SCFD2: variants seen among roughly 807,000 people sequenced by gnomAD.
The protein encoded by SCFD2 is sec1 family domain containing 2.
In SCFD2, 54 loss-of-function variants were observed where a neutral mutation model predicts 58.9. The observed-to-expected ratio is 0.92, with a 90% CI of 0.74 to 1.15. SCFD2 has a LOEUF of 1.15. Ranked by LOEUF, SCFD2 falls within the 50% of genes most tolerant of loss-of-function variation. The pLI, the probability that SCFD2 is intolerant of heterozygous loss-of-function variation, is 0.00. For synonymous variants in SCFD2, 321 were observed against 335.9 expected (o/e 0.96, Z 0.49); for missense variants, 805 against 836.6 (o/e 0.96, Z 0.47).
At position 53,335,218 on chromosome 4, in the gene SCFD2, A is replaced by AAC. The variant is rs1384855094; in HGVS notation, c.1007+17379_1007+17380insGT. Among the ~76,000 whole-genome samples, 14 of 141,552 alleles carry AAC rather than the reference A, an allele frequency of 9.9e-5. No homozygotes were observed. In the East Asian group the frequency reaches 1.6e-3, roughly 17 times the overall value. The allele number at this position is 141,552 out of a possible 152,430, so 92.9% of individuals were successfully genotyped here. A position where few individuals can be genotyped will look rare whatever the true frequency, so the allele number is the denominator to read the frequency against. ...TCAAAAAAAAAAAAAAAAAAACAAC[A>AAC]AAAAAAAAAACAACAACAACAACCC... On this transcript the variant is annotated intron_variant, in intron 2 of 8. Transcript: ENST00000401642.
At chr4:53,204,060 T>C (rs1426713761) in intron 4 of SCFD2, among the ~76,000 whole-genome samples, 1 of 152,082 alleles carries the variant, frequency 6.6e-6, no homozygotes, top group Non-Finnish European at 1.5e-5. Flanking sequence ...AGGTACTCTT[T>C]GTGGGAATAT....
intron 4 of SCFD2, among the ~76,000 whole-genome samples, chr4:53,256,291 G>C (rs1044350601): frequency 5.3e-4 from 80 of 149,670 alleles, no homozygotes; most frequent in Admixed American, 5.3e-3. Flanking sequence ...CAGATGGGGC[G>C]GCGGGGCAGA....
intron 4 of SCFD2, among the ~76,000 whole-genome samples, chr4:53,180,350 C>A (rs1727504643): frequency 6.6e-6 from 1 of 152,174 alleles, no homozygotes. Flanking sequence ...AAGAAACTCA[C>A]TCAAAACCGC....
chr4:52,919,224 G>T (rs1003950548), intron 6 of SCFD2, among the ~76,000 whole-genome samples: 1 of 152,142 alleles, frequency 6.6e-6, no homozygotes, highest in African/African-American at 2.4e-5. Context: ...AAATGGGAAA[G>T]ACCTCATTCA....
chr4:53,283,869 G>A (rs1397708025), intron 3 of SCFD2, among the ~76,000 whole-genome samples: 2 of 151,968 alleles, frequency 1.3e-5, no homozygotes, highest in East Asian at 1.9e-4. Flanking sequence ...TGTAATCCCA[G>A]CACCTTGGGA....
intron 4 of SCFD2, among the ~76,000 whole-genome samples, chr4:53,254,671 T>C (rs990973254): frequency 2.5e-4 from 38 of 151,682 alleles, no homozygotes; most frequent in African/African-American, 8.7e-4. Flanking sequence ...TGCTGACCAT[T>C]TCTCTTATTC....
At chr4:53,291,611 T>C (rs1731841621) in intron 3 of SCFD2, among the ~76,000 whole-genome samples, 1 of 151,490 alleles carries the variant, frequency 6.6e-6, no homozygotes, top group African/African-American at 2.4e-5. Flanking sequence ...CTTCACAGAA[T>C]TAGAAAAAAA....
intron 5 of SCFD2, among the ~76,000 whole-genome samples, chr4:53,119,873 T>G (rs535464625): frequency 6.6e-6 from 1 of 152,300 alleles, no homozygotes; most frequent in South Asian, 2.1e-4. Context: ...CAGAGCTTTG[T>G]TTTCCTTCAG....
At chr4:53,279,408 A>G (rs960605681) in intron 3 of SCFD2, among the ~76,000 whole-genome samples, 3 of 152,116 alleles carry the variant, frequency 2.0e-5, no homozygotes, top group African/African-American at 7.2e-5. Flanking sequence ...GAGCCACCAT[A>G]CCTGGCCCTT....
At chr4:53,056,575 A>G (rs1411596793) in intron 5 of SCFD2, among the ~76,000 whole-genome samples, 1 of 152,246 alleles carries the variant, frequency 6.6e-6, no homozygotes, top group East Asian at 1.9e-4. Context: ...AAAATCATAC[A>G]TGAAAATTAG....
chr4:53,073,486 T>C (rs141983471), intron 5 of SCFD2, among the ~76,000 whole-genome samples: 1 of 152,286 alleles, frequency 6.6e-6, no homozygotes, highest in Non-Finnish European at 1.5e-5. Context: ...CAGCAGTAAA[T>C]ACCACCTGAA....
intron 7 of SCFD2, among the ~76,000 whole-genome samples, chr4:52,893,848 C>T (rs1464956296): frequency 1.3e-5 from 2 of 152,238 alleles, no homozygotes; most frequent in Non-Finnish European, 2.9e-5. Context: ...GCCTGGTTTC[C>T]TGATGGCTTT....
At chr4:52,983,993 C>T (rs896295568) in intron 5 of SCFD2, among the ~76,000 whole-genome samples, 2 of 152,188 alleles carry the variant, frequency 1.3e-5, no homozygotes, top group Non-Finnish European at 2.9e-5. Flanking sequence ...AATATTGACT[C>T]CCACATAGTT....
At chr4:52,878,073 C>T (rs1343229008) in intron 8 of SCFD2, among the ~76,000 whole-genome samples, 2 of 152,208 alleles carry the variant, frequency 1.3e-5, no homozygotes, top group Non-Finnish European at 2.9e-5. Flanking sequence ...TCAGGCATCA[C>T]TCCCCACAGA....
At chr4:53,295,879 C>T (rs559593237) in intron 3 of SCFD2, among the ~76,000 whole-genome samples, 1 of 152,256 alleles carries the variant, frequency 6.6e-6, no homozygotes, top group Non-Finnish European at 1.5e-5. Context: ...GTGTTTTCTG[C>T]ATCTATTGAG....
chr4:53,305,340 G>T (rs1732479597), intron 3 of SCFD2, among the ~76,000 whole-genome samples: 1 of 151,994 alleles, frequency 6.6e-6, no homozygotes. Flanking sequence ...TAACATAAGG[G>T]TTCAATTTCA....
intron 4 of SCFD2, among the ~76,000 whole-genome samples, chr4:53,171,671 A>G (rs182732158): frequency 6.6e-6 from 1 of 152,142 alleles, no homozygotes; most frequent in African/African-American, 2.4e-5. Context: ...TATTGATTCA[A>G]TTTTCTTACT....
At chr4:53,215,248 T>C (rs1728779212) in intron 4 of SCFD2, among the ~76,000 whole-genome samples, 2 of 152,248 alleles carry the variant, frequency 1.3e-5, no homozygotes, top group South Asian at 2.1e-4. Flanking sequence ...TTGGGCAATA[T>C]GGCCATTTTC....
chr4:52,966,267 T>G lies in SCFD2; in HGVS notation c.1562-45397A>C, dbSNP rs111251844. Reference sequence around the variant, plus strand: ...CTTCCATATCTGGAATTTGAAATACTCTCAACTGATTATACGTGTGTTTTT... The same window carrying G: ...CTTCCATATCTGGAATTTGAAATACGCTCAACTGATTATACGTGTGTTTTT... On this transcript the variant is annotated intron_variant, in intron 5 of 8. Coordinates refer to ENST00000401642, the MANE Select transcript of SCFD2 (RefSeq NM_152540.4). Among the ~76,000 whole-genome samples, 416 of 152,350 alleles carry G rather than the reference T, an allele frequency of 2.7e-3. 3 individuals carry two copies. The highest frequency in any genetic ancestry group is 9.5e-3 in the African/African-American group (394 of 41,592).
Sources: allele counts gnomAD v4.1 joint callset (sites outside exome capture counted in the v4.1 genomes callset), GRCh38; gene constraint gnomAD v4.1.1; transcripts MANE v1.5; gene names NCBI Gene and HGNC (gene_info 2026-07-23, HGNC 2026-07-21).